CDH13: variants seen among roughly 807,000 people sequenced by gnomAD.
CDH13 encodes the protein cadherin-13.
In CDH13, 24 loss-of-function variants were observed where a neutral mutation model predicts 63.8. The observed-to-expected ratio is 0.38, with a 90% confidence interval of 0.27 to 0.53. CDH13 has a LOEUF of 0.53. CDH13 is among the 20% of genes least tolerant of loss of function. CDH13 has a pLI of 0.85. For synonymous variants in CDH13, 503 were observed against 355.3 expected, an observed-to-expected ratio of 1.42 and a Z score of -4.67; for missense variants, 1,049 against 903.1, an observed-to-expected ratio of 1.16 and a Z score of -2.07.
intron 2 of CDH13, among the ~76,000 whole-genome samples, chr16:82,976,128 A>G (rs1242249217): frequency 2.0e-5 from 3 of 152,294 alleles, no homozygotes; most frequent in East Asian, 3.9e-4. Context: ...TCAAGATAAG[A>G]TTTGTGGAGA....
At chr16:83,726,920 G>C (rs1910476328) in intron 10 of CDH13, among the ~76,000 whole-genome samples, 2 of 151,956 alleles carry the variant, frequency 1.3e-5, no homozygotes, top group Admixed American at 1.3e-4. Context: ...AGGAGTGTTT[G>C]GTTTGTGCCT....
chr16:83,290,761 C>T lies in CDH13; in HGVS notation c.637-54101C>T, dbSNP rs770250918. Reference sequence around the variant, plus strand: ...GGCCTTTCTCGGGCTCCAAGGCCCTCGTTGTGACTGTCCACTGTCCATGCA... The same window carrying T: ...GGCCTTTCTCGGGCTCCAAGGCCCTTGTTGTGACTGTCCACTGTCCATGCA... On this transcript the variant is annotated intron_variant, in intron 5 of 13. Coordinates refer to ENST00000567109, the MANE Select transcript of CDH13 (RefSeq NM_001257.5). Among the ~76,000 whole-genome samples, 7 of 152,254 alleles carry T rather than the reference C, an allele frequency of 4.6e-5. No individual in the cohort carries two copies. The South Asian group carries it at 1.0e-3, about 23-fold the overall frequency.
chr16:83,293,614 A>T (rs1414221738), intron 5 of CDH13, among the ~76,000 whole-genome samples: 2 of 152,226 alleles, frequency 1.3e-5, no homozygotes, highest in African/African-American at 4.8e-5. Context: ...AATACATAAC[A>T]GATATATACA....
chr16:83,127,430 C>A (rs986331624), intron 4 of CDH13, among the ~76,000 whole-genome samples: 1 of 152,172 alleles, frequency 6.6e-6, no homozygotes, highest in Non-Finnish European at 1.5e-5. Context: ...GTGACTTGGA[C>A]TATTGAAAAT....
chr16:83,203,428 T>C (rs1312790217), intron 4 of CDH13, among the ~76,000 whole-genome samples: 1 of 151,996 alleles, frequency 6.6e-6, no homozygotes, highest in East Asian at 1.9e-4. Context: ...GGCTCACGCC[T>C]GTAATCCCAG....
chr16:83,601,534 G>C (rs932556218), intron 7 of CDH13, among the ~76,000 whole-genome samples: 22 of 152,166 alleles, frequency 1.4e-4, no homozygotes, highest in Non-Finnish European at 2.9e-5. Context: ...CATGAAAGAA[G>C]TGTGGTATAA....
intron 1 of CDH13, among the ~76,000 whole-genome samples, chr16:82,657,609 A>T (rs1010755614): frequency 6.6e-6 from 1 of 152,216 alleles, no homozygotes; most frequent in Non-Finnish European, 1.5e-5. Flanking sequence ...ACCTTGGAGA[A>T]AGAGAGACTA....
chr16:83,571,796 A>C (rs1004980274), intron 7 of CDH13, among the ~76,000 whole-genome samples: 4 of 152,102 alleles, frequency 2.6e-5, no homozygotes, highest in Non-Finnish European at 4.4e-5. Context: ...GGTTTGTCTC[A>C]ATTCTATGCA....
At chr16:83,167,499 C>CAA (rs11430454) in intron 4 of CDH13, among the ~76,000 whole-genome samples, 1,880 of 99,272 alleles carry the variant, frequency 0.019, 33 homozygotes, top group East Asian at 0.059. Context: ...GACCCTTTCC[C>CAA]AAAAAAAAAA....
intron 1 of CDH13, among the ~76,000 whole-genome samples, chr16:82,764,974 C>T (rs140412442): frequency 3.2e-3 from 491 of 152,202 alleles, no homozygotes; most frequent in Non-Finnish European, 5.4e-3. Flanking sequence ...GCCACTATGC[C>T]TGGCTAATTT....
intron 3 of CDH13, among the ~76,000 whole-genome samples, chr16:83,084,640 A>G (rs886141803): frequency 1.3e-5 from 2 of 152,144 alleles, no homozygotes; most frequent in African/African-American, 4.8e-5. Context: ...TGTAATCCCA[A>G]CACATCCGGA....
chr16:82,713,037 C>T (rs778694291), intron 1 of CDH13, among the ~76,000 whole-genome samples: 1 of 116,588 alleles, frequency 8.6e-6, no homozygotes, highest in Non-Finnish European at 1.9e-5. Context: ...GTGAATAGAA[C>T]CCCGGCGTGT....
chr16:82,789,966 C>T (rs1283549984), intron 1 of CDH13, among the ~76,000 whole-genome samples: 2 of 152,104 alleles, frequency 1.3e-5, no homozygotes, highest in African/African-American at 4.8e-5. Context: ...AGACCAGCCC[C>T]CATCTCTGTC....
intron 3 of CDH13, among the ~76,000 whole-genome samples, chr16:83,060,055 A>G (rs1036154967): frequency 1.3e-5 from 2 of 151,798 alleles, no homozygotes; most frequent in African/African-American, 4.8e-5. Context: ...CGGCCTCCCA[A>G]ATTGCTGGGA....
At chr16:83,778,785 A>G (rs534956379) in intron 11 of CDH13, among the ~76,000 whole-genome samples, 4 of 152,196 alleles carry the variant, frequency 2.6e-5, no homozygotes, top group East Asian at 1.9e-4. Context: ...CCCAGCCCCC[A>G]GTGGCACCAT....
intron 11 of CDH13, among the ~76,000 whole-genome samples, chr16:83,761,261 G>T (rs181253400): frequency 6.6e-6 from 1 of 152,178 alleles, no homozygotes; most frequent in Non-Finnish European, 1.5e-5. Context: ...TTCTAGAATC[G>T]TGCTTCATAA....
At chr16:83,350,112 G>T (rs371589267) in intron 6 of CDH13, among the ~76,000 whole-genome samples, 1 of 152,158 alleles carries the variant, frequency 6.6e-6, no homozygotes, top group African/African-American at 2.4e-5. Flanking sequence ...GGCACTTGCC[G>T]CCAGCTGTGC....
intron 6 of CDH13, among the ~76,000 whole-genome samples, chr16:83,443,481 C>T (rs527797346): frequency 1.8e-4 from 28 of 152,038 alleles, no homozygotes; most frequent in South Asian, 4.1e-4. Flanking sequence ...AGAATTTTTA[C>T]GGGTTACTAG....
chr16:83,664,990 T>C (rs1913802186), intron 8 of CDH13, among the ~76,000 whole-genome samples: 1 of 152,198 alleles, frequency 6.6e-6, no homozygotes, highest in African/African-American at 2.4e-5. Context: ...CAAATATTTA[T>C]TAAAATGAAT....
Sources: allele counts gnomAD v4.1 joint callset (sites outside exome capture counted in the v4.1 genomes callset), GRCh38; gene constraint gnomAD v4.1.1; transcripts MANE v1.5; gene names NCBI Gene and HGNC (gene_info 2026-07-23, HGNC 2026-07-21).